The following ROBO1 variants were observed in gnomAD, a reference collection of about 807,000 sequenced individuals.
ROBO1 encodes roundabout homolog 1.
A neutral mutation model predicts 195.9 loss-of-function variants in ROBO1; 149 were observed. That is an observed-to-expected ratio of 0.76 (90% CI 0.67 to 0.87). The LOEUF is 0.87. Among genes scored for constraint, ROBO1 ranks in the 40% least tolerant of loss-of-function variants. The probability of loss-of-function intolerance (pLI) is 0.00; values close to 1 mark genes in which losing one functional copy is unlikely to be tolerated. For synonymous variants in ROBO1, 816 were observed against 733.2 expected (o/e 1.11, Z -1.82); for missense variants, 1,933 against 2,068.3 (o/e 0.93, Z 1.27).
chr3:79,340,233 A>G (rs2034854120), intron 2 of ROBO1, among the ~76,000 whole-genome samples: 1 of 152,174 alleles, frequency 6.6e-6, no homozygotes, highest in Admixed American at 6.5e-5. Flanking sequence ...CCTCAATCCA[A>G]AAGTCATATC....
intron 4 of ROBO1, among the ~76,000 whole-genome samples, chr3:78,759,566 T>C (rs1179232143): frequency 6.6e-6 from 1 of 152,152 alleles, no homozygotes; most frequent in African/African-American, 2.4e-5. Context: ...CATTTAAATA[T>C]ATGTATAAAT....
At chr3:79,645,413 G>A (rs1210866378) in intron 1 of ROBO1, among the ~76,000 whole-genome samples, 1 of 151,972 alleles carries the variant, frequency 6.6e-6, no homozygotes, top group Non-Finnish European at 1.5e-5. Context: ...GGGGCAGGAG[G>A]ATCCTTTGAG....
intron 2 of ROBO1, among the ~76,000 whole-genome samples, chr3:79,581,468 G>A (rs9835692): frequency 0.12 from 18,965 of 152,092 alleles, 1,349 homozygotes; most frequent in African/African-American, 0.18. Flanking sequence ...TGAGGCTGAT[G>A]TGTCTGTTAG....
chr3:79,686,706 T>G (rs1397874239), intron 1 of ROBO1, among the ~76,000 whole-genome samples: 3 of 151,968 alleles, frequency 2.0e-5, no homozygotes, highest in South Asian at 2.1e-4. Flanking sequence ...CACTGCTCAA[T>G]GAAATAAAAG....
intron 2 of ROBO1, among the ~76,000 whole-genome samples, chr3:79,259,347 C>T (rs1280324367): frequency 1.3e-5 from 2 of 152,018 alleles, no homozygotes; most frequent in Non-Finnish European, 2.9e-5. Context: ...GTCATGTTGT[C>T]TAGGCTGGTC....
chr3:79,491,613 ATTC>A (rs1001943060), intron 2 of ROBO1, among the ~76,000 whole-genome samples: 82 of 152,278 alleles, frequency 5.4e-4, no homozygotes, highest in African/African-American at 1.9e-3. Flanking sequence ...TAAACTGCTT[ATTC>A]TTTTTATCTT....
At chr3:79,418,584 T>C (rs1298112733) in intron 2 of ROBO1, among the ~76,000 whole-genome samples, 1 of 152,132 alleles carries the variant, frequency 6.6e-6, no homozygotes, top group African/African-American at 2.4e-5. Flanking sequence ...AAGCAAACTG[T>C]TTTATGCAAA....
At chr3:78,910,831 C>G (rs775691833) in intron 4 of ROBO1, among the ~76,000 whole-genome samples, 20 of 151,926 alleles carry the variant, frequency 1.3e-4, no homozygotes, top group Non-Finnish European at 2.1e-4. Flanking sequence ...AGTATATTTT[C>G]TAGAGTAGAG....
At chr3:78,961,979 C>T (rs1172450710) in intron 3 of ROBO1, among the ~76,000 whole-genome samples, 10 of 151,032 alleles carry the variant, frequency 6.6e-5, no homozygotes, top group Non-Finnish European at 8.8e-5. Context: ...GTTACTGGGT[C>T]GGTTTCTTCA....
chr3:79,373,332 C>T (rs2036268595), intron 2 of ROBO1, among the ~76,000 whole-genome samples: 1 of 151,464 alleles, frequency 6.6e-6, no homozygotes, highest in Admixed American at 6.6e-5. Flanking sequence ...GGTTCCTTGT[C>T]TACCCATTAT....
chr3:78,804,021 G>A (rs114658648), intron 4 of ROBO1, among the ~76,000 whole-genome samples: 3,052 of 152,150 alleles, frequency 0.02, 48 homozygotes, highest in Non-Finnish European at 0.025. Context: ...CATAGAGTGT[G>A]GTGTCTTTAA....
chr3:79,102,524 C>T (rs2079697029), intron 3 of ROBO1, among the ~76,000 whole-genome samples: 1 of 151,820 alleles, frequency 6.6e-6, no homozygotes, highest in South Asian at 2.1e-4. Context: ...ATATCCAAAA[C>T]TTCCTGTTTG....
At chr3:78,717,158 G>T in intron 7 of ROBO1, 117 bp downstream of exon 7, 1 of 1,046,424 alleles carries the variant, frequency 9.6e-7, no homozygotes, top group Non-Finnish European at 1.3e-6. Context: ...ATTGTATCTG[G>T]CCCCTGATAG....
chr3:78,730,076 T>C (rs2082253202), intron 5 of ROBO1, among the ~76,000 whole-genome samples: 1 of 152,226 alleles, frequency 6.6e-6, no homozygotes, highest in African/African-American at 2.4e-5. Context: ...GAATTATGAC[T>C]ATACTCTAGA....
intron 2 of ROBO1, among the ~76,000 whole-genome samples, chr3:79,336,300 C>A (rs973257821): frequency 6.6e-6 from 1 of 152,126 alleles, no homozygotes; most frequent in Non-Finnish European, 1.5e-5. Flanking sequence ...GGCCTGGAAG[C>A]CTAGGAGGGA....
intron 2 of ROBO1, among the ~76,000 whole-genome samples, chr3:79,588,081 G>A (rs1943885038): frequency 6.6e-6 from 1 of 151,628 alleles, no homozygotes. Flanking sequence ...TTTGTGCGGT[G>A]AATTTTTTAA....
chr3:79,297,595 A>C (rs956095951), intron 2 of ROBO1, among the ~76,000 whole-genome samples: 1 of 152,148 alleles, frequency 6.6e-6, no homozygotes, highest in African/African-American at 2.4e-5. Context: ...CTGAAATTAA[A>C]AACATTTGAG....
intron 4 of ROBO1, among the ~76,000 whole-genome samples, chr3:78,823,189 ATTT>A (rs4067935): frequency 0.52 from 74,272 of 142,280 alleles, 18,599 homozygotes; most frequent in East Asian, 0.71. Flanking sequence ...ATTTAAAATG[ATTT>A]TTTTTTTTTT....
intron 3 of ROBO1, among the ~76,000 whole-genome samples, chr3:79,015,467 AT>A (rs2077906829): frequency 6.6e-6 from 1 of 151,242 alleles, no homozygotes; most frequent in African/African-American, 2.4e-5. Context: ...TTGAACTGAA[AT>A]TCAATTAGTT....
Sources: allele counts gnomAD v4.1 joint callset (sites outside exome capture counted in the v4.1 genomes callset), GRCh38; gene constraint gnomAD v4.1.1; transcripts MANE v1.5; gene names NCBI Gene and HGNC (gene_info 2026-07-23, HGNC 2026-07-21).